Variants in ZRANB3 observed in about 807,000 individuals in gnomAD.
ZRANB3 encodes the protein zinc finger RANBP2-type containing 3, also known as DNA annealing helicase and endonuclease ZRANB3.
A neutral mutation model predicts 133.8 loss-of-function variants in ZRANB3; 125 were observed. The observed-to-expected ratio is 0.93, with a 90% CI of 0.81 to 1.08. The LOEUF (loss-of-function observed/expected upper bound fraction) is 1.08, where lower values mean the gene tolerates loss of function less well. Ranked by LOEUF, ZRANB3 falls within the 50% of genes least tolerant of loss-of-function variation. ZRANB3 has a pLI of 0.00. For missense variants in ZRANB3, 1,229 were observed against 1,275.5 expected (o/e 0.96, Z 0.56); for synonymous variants, 387 against 432.7 (o/e 0.89, Z 1.31).
chr2:135,435,952 T>C (rs1689514681), intron 2 of ZRANB3, among the ~76,000 whole-genome samples: 1 of 152,230 alleles, frequency 6.6e-6, no homozygotes, highest in African/African-American at 2.4e-5. Context: ...CTTTACTCTG[T>C]TGACAGTTTT....
chr2:135,223,330 A>AT (rs1317540635), intron 15 of ZRANB3, among the ~76,000 whole-genome samples: 163 of 144,534 alleles, frequency 1.1e-3, no homozygotes, highest in Admixed American at 2.1e-3. Context: ...TGAAAAAAAC[A>AT]TTTTTTTTTT....
At chr2:135,382,660 G>C (rs1256246464) in intron 3 of ZRANB3, among the ~76,000 whole-genome samples, 1 of 152,176 alleles carries the variant, frequency 6.6e-6, no homozygotes, top group Non-Finnish European at 1.5e-5. Flanking sequence ...AACTCTACAA[G>C]CCAGAAGAGA....
chr2:135,258,944 C>A (rs4954231), intron 12 of ZRANB3, among the ~76,000 whole-genome samples: 1 of 152,084 alleles, frequency 6.6e-6, no homozygotes, highest in African/African-American at 2.4e-5. Flanking sequence ...ACATTTTTAA[C>A]TTGCACTTTT....
chr2:135,523,414 TTC>T (rs1431229861), intron 1 of ZRANB3, among the ~76,000 whole-genome samples: 1 of 152,244 alleles, frequency 6.6e-6, no homozygotes, highest in East Asian at 1.9e-4. Flanking sequence ...GCAATTATTC[TTC>T]TCTGTTTCCT....
intron 2 of ZRANB3, among the ~76,000 whole-genome samples, chr2:135,425,352 T>A (rs868182667): frequency 1.3e-5 from 2 of 152,200 alleles, no homozygotes; most frequent in Admixed American, 1.3e-4. Flanking sequence ...GAATACTTAA[T>A]GTGTCTGAAA....
chr2:135,474,070 A>G (rs1056431083), intron 2 of ZRANB3, among the ~76,000 whole-genome samples: 7 of 152,012 alleles, frequency 4.6e-5, no homozygotes, highest in African/African-American at 1.7e-4. Flanking sequence ...TTGCGTCTCT[A>G]GTCTCAGCTA....
intron 12 of ZRANB3, among the ~76,000 whole-genome samples, chr2:135,237,936 T>A (rs966954503): frequency 2.6e-5 from 4 of 152,086 alleles, no homozygotes; most frequent in Admixed American, 1.3e-4. Context: ...AAAGTATAAC[T>A]AAAAACAAAA....
In ZRANB3 at chr2:135,207,702, C is replaced by A. The variant is rs114791090; in HGVS notation, c.2741G>T (p.Arg914Leu). Residue 914 changes from arginine (R) to leucine (L), a missense_variant, in exon 19 of 21, where the codon CGC (arginine) becomes CTC (leucine). Physicochemically the swap from Arg to Leu is moderately radical, Grantham distance 102. Coordinates refer to ENST00000264159, the MANE Select transcript of ZRANB3 (RefSeq NM_032143.4). Reference protein sequence around the residue: ...VDNEGNPLCLRCQQPTCQTKQ... With the variant: ...VDNEGNPLCLLCQQPTCQTKQ... ...AGTCTGGCAAGTGGGTTGCTGACAGCGAAGGCAAAGTGGATTTCCTTCATT... is the reference window on the plus strand; with the variant it reads ...AGTCTGGCAAGTGGGTTGCTGACAGAGAAGGCAAAGTGGATTTCCTTCATT... 1.2e-5 allele frequency: 19 copies of A among 1,613,938 alleles called. No individual in the cohort carries two copies. In the Admixed American group the frequency reaches 3.0e-4, roughly 25 times the overall value.
chr2:135,429,392 G>A (rs748267353), intron 2 of ZRANB3, among the ~76,000 whole-genome samples: 1 of 152,142 alleles, frequency 6.6e-6, no homozygotes, highest in South Asian at 2.1e-4. Flanking sequence ...TGAGGGTGGA[G>A]AGTGGGAGGA....
chr2:135,471,798 A>T lies in ZRANB3; in HGVS notation c.161+32531T>A, dbSNP rs538039115. 4.6e-5 allele frequency among the ~76,000 whole-genome samples: 7 copies of T among 152,314 alleles called. No homozygotes were observed. The East Asian group carries it at 1.3e-3, about 29-fold the overall frequency. On this transcript the variant is annotated intron_variant, in intron 2 of 20. Coordinates refer to ENST00000264159, the MANE Select transcript of ZRANB3 (RefSeq NM_032143.4). ...ATCAAGTTACCACAAATACAAAGGG[A>T]ATATCTAGATCTTTTTTATGGTATA...
intron 11 of ZRANB3, among the ~76,000 whole-genome samples, chr2:135,268,259 G>C (rs1273130874): frequency 6.6e-6 from 1 of 151,940 alleles, no homozygotes; most frequent in African/African-American, 2.4e-5. Flanking sequence ...CCACCTCCTA[G>C]CTTCAGGCAA....
chr2:135,397,656 A>C (rs529314159), intron 2 of ZRANB3, among the ~76,000 whole-genome samples: 17 of 152,262 alleles, frequency 1.1e-4, no homozygotes, highest in African/African-American at 3.9e-4. Context: ...AATTTAAGTT[A>C]TTTTAGCAGG....
intron 7 of ZRANB3, 145 bp downstream of exon 7, chr2:135,315,214 C>T: frequency 1.3e-6 from 1 of 747,142 alleles, no homozygotes; most frequent in Non-Finnish European, 1.8e-6. Context: ...TGCTGAAATA[C>T]AAAACCAATG....
At chr2:135,238,404 T>G (rs1558853869) in intron 12 of ZRANB3, among the ~76,000 whole-genome samples, 1 of 151,810 alleles carries the variant, frequency 6.6e-6, no homozygotes, top group Non-Finnish European at 1.5e-5. Context: ...TTTTTTTTTT[T>G]TTTTTTGAGG....
At chr2:135,480,549 T>C (rs1691735094) in intron 2 of ZRANB3, among the ~76,000 whole-genome samples, 1 of 152,178 alleles carries the variant, frequency 6.6e-6, no homozygotes, top group African/African-American at 2.4e-5. Flanking sequence ...TAAAAATTAC[T>C]ATGAAATCTT....
chr2:135,332,880 C>A (rs1644709634), intron 6 of ZRANB3, among the ~76,000 whole-genome samples: 1 of 152,120 alleles, frequency 6.6e-6, no homozygotes, highest in Non-Finnish European at 1.5e-5. Flanking sequence ...TCATACATTA[C>A]CTTTGTTCTT....
At chr2:135,349,380 T>C (rs2104871847) in intron 5 of ZRANB3, among the ~76,000 whole-genome samples, 1 of 152,340 alleles carries the variant, frequency 6.6e-6, no homozygotes, top group African/African-American at 2.4e-5. Flanking sequence ...ACACTAAACC[T>C]TACAGACATT....
intron 2 of ZRANB3, among the ~76,000 whole-genome samples, chr2:135,465,920 GCTC>G (rs1344573091): frequency 1.0e-3 from 155 of 152,270 alleles, no homozygotes; most frequent in Non-Finnish European, 3.2e-4. Context: ...ATGAAAAAAA[GCTC>G]ATCATATTTA....
intron 6 of ZRANB3, among the ~76,000 whole-genome samples, chr2:135,323,021 AT>A (rs112690803): frequency 0.19 from 28,494 of 147,362 alleles, 3,545 homozygotes; most frequent in African/African-American, 0.34. Context: ...AAAAAAAAAA[AT>A]TTTTTTTTTT....
Sources: gnomAD v4.1 joint callset for allele counts (sites outside exome capture counted in the v4.1 genomes callset) on GRCh38, gnomAD v4.1.1 for gene constraint, MANE v1.5 for transcripts, NCBI Gene and HGNC (gene_info 2026-07-23, HGNC 2026-07-21) for gene names.